Variants in AIM2 observed in about 807,000 individuals in gnomAD.
AIM2 encodes absent in melanoma 2.
A neutral mutation model predicts 27.7 loss-of-function variants in AIM2; 30 were observed. The ratio of observed to expected loss-of-function variants is 1.08; its 90% CI spans 0.81 to 1.47. The LOEUF (loss-of-function observed/expected upper bound fraction) is 1.47, where lower values mean the gene tolerates loss of function less well. Ranked by LOEUF, AIM2 falls within the 40% of genes most tolerant of loss-of-function variation. The pLI, the probability that AIM2 is intolerant of heterozygous loss-of-function variation, is 0.00. For missense variants in AIM2, 358 were observed against 411.3 expected (o/e 0.87, Z 1.12); for synonymous variants, 141 against 145.3 (o/e 0.97, Z 0.21).
chr1:159,087,878 C>CT (rs1197656028), intron 1 of AIM2, among the ~76,000 whole-genome samples: 2 of 152,186 alleles, frequency 1.3e-5, no homozygotes, highest in South Asian at 2.1e-4. Context: ...GCCAAGTCTA[C>CT]TTTTTTTAAA....
chr1:159,083,633 C>A (rs1237519121), intron 1 of AIM2, among the ~76,000 whole-genome samples: 1 of 152,156 alleles, frequency 6.6e-6, no homozygotes, highest in Non-Finnish European at 1.5e-5. Context: ...CTACTAAATA[C>A]TCACCCAAGT....
At chr1:159,067,100 A>G (rs1461158649) in intron 3 of AIM2, among the ~76,000 whole-genome samples, 1 of 152,230 alleles carries the variant, frequency 6.6e-6, no homozygotes. Context: ...AATGCTTTAG[A>G]GAAATATGAT....
intron 1 of AIM2, among the ~76,000 whole-genome samples, chr1:159,109,419 T>C (rs573129710): frequency 6.6e-6 from 1 of 152,250 alleles, no homozygotes; most frequent in East Asian, 1.9e-4. Context: ...CAAGATGGAT[T>C]AAGGACTGAA....
intron 1 of AIM2, among the ~76,000 whole-genome samples, chr1:159,082,903 G>A (rs934065894): frequency 2.6e-5 from 4 of 152,128 alleles, no homozygotes; most frequent in Non-Finnish European, 5.9e-5. Flanking sequence ...GGGACGGAAA[G>A]CTCAAAAAAG....
intron 1 of AIM2, among the ~76,000 whole-genome samples, chr1:159,101,327 C>T (rs1474008154): frequency 1.3e-5 from 2 of 152,162 alleles, no homozygotes; most frequent in Non-Finnish European, 2.9e-5. Flanking sequence ...GTGCCTTCTG[C>T]CTAGATTGTA....
chr1:159,103,440 G>A (rs1657358648), intron 1 of AIM2, among the ~76,000 whole-genome samples: 1 of 151,488 alleles, frequency 6.6e-6, no homozygotes, highest in African/African-American at 2.4e-5. Flanking sequence ...TCAGCTTAGT[G>A]TTCATCTCAG....
intron 1 of AIM2, among the ~76,000 whole-genome samples, chr1:159,096,436 G>A (rs1349670461): frequency 2.0e-5 from 3 of 152,012 alleles, no homozygotes; most frequent in African/African-American, 7.2e-5. Context: ...AATAAATGTT[G>A]GATGTGTCAT....
intron 1 of AIM2, among the ~76,000 whole-genome samples, chr1:159,105,360 C>T (rs1192252000): frequency 6.6e-6 from 1 of 152,222 alleles, no homozygotes; most frequent in East Asian, 1.9e-4. Context: ...CCGTGGACCC[C>T]CTTGGTCTGG....
rs1337639775 is a variant in AIM2, at chr1:159,107,331, T to TGTGTGTGTGC, written c.-16+33099_-16+33100insGCACACACAC. ...ATGTGTGTGTGTGTGTGTGTGTGTG[T>TGTGTGTGTGC]GCGCGCACTATAGCATGTTACTGAA... is the stretch of plus-strand genomic sequence containing the variant. On this transcript the variant is annotated intron_variant, in intron 1 of 2. Coordinates refer to the AIM2 transcript ENST00000368129. 2.4e-3 allele frequency among the ~76,000 whole-genome samples: 363 copies of TGTGTGTGTGC among 150,254 alleles called. 3 individuals are homozygous for TGTGTGTGTGC. The highest frequency in any genetic ancestry group is 8.6e-3 in the African/African-American group (354 of 40,976).
chr1:159,065,422 A>T (rs1030666245), intron 4 of AIM2, among the ~76,000 whole-genome samples: 12 of 150,566 alleles, frequency 8.0e-5, no homozygotes, highest in African/African-American at 2.5e-4. Context: ...CTTTTTAATT[A>T]AAAAAAAAGT....
chr1:159,076,238 A>G (rs1293017450), intron 1 of AIM2, among the ~76,000 whole-genome samples: 1 of 152,198 alleles, frequency 6.6e-6, no homozygotes, highest in African/African-American at 2.4e-5. Flanking sequence ...TATAATAACA[A>G]TCACATTTTA....
At chr1:159,056,492 A>G in the AIM2 span, among the ~76,000 whole-genome samples, 5 of 152,052 alleles carry the variant, frequency 3.3e-5, no homozygotes, top group Non-Finnish European at 7.4e-5. Flanking sequence ...TCGGCAAAAC[A>G]GCAGTCAAAG....
chr1:159,069,150 A>C (rs1447960145), intron 2 of AIM2, among the ~76,000 whole-genome samples: 1 of 151,990 alleles, frequency 6.6e-6, no homozygotes, highest in Non-Finnish European at 1.5e-5. Flanking sequence ...TCTCAAAAAA[A>C]AAAAAAAGAC....
chr1:159,071,829 CT>C (rs1363086404), intron 2 of AIM2, among the ~76,000 whole-genome samples: 6 of 152,106 alleles, frequency 3.9e-5, no homozygotes, highest in Non-Finnish European at 5.9e-5. Context: ...ACTTTGAATC[CT>C]ACAACTGTTA....
chr1:159,088,662 T>C (rs569841131), intron 1 of AIM2, among the ~76,000 whole-genome samples: 2 of 152,236 alleles, frequency 1.3e-5, no homozygotes, highest in East Asian at 3.9e-4. Flanking sequence ...GTCGTGAGGG[T>C]TCTGCTCTCA....
chr1:159,058,348 CAAAAA>C (rs34913942), downstream of AIM2, among the ~76,000 whole-genome samples: 5 of 117,850 alleles, frequency 4.2e-5, no homozygotes, highest in African/African-American at 9.5e-5. Flanking sequence ...GATTCTGTCT[CAAAAA>C]AAAAAAAAAA....
intron 1 of AIM2, among the ~76,000 whole-genome samples, chr1:159,094,513 A>G (rs1010601498): frequency 3.9e-5 from 6 of 152,180 alleles, no homozygotes; most frequent in African/African-American, 1.4e-4. Context: ...CCTGGCCAAC[A>G]TGGTGAAACT....
intron 1 of AIM2, among the ~76,000 whole-genome samples, chr1:159,088,776 C>T (rs1656980676): frequency 6.6e-6 from 1 of 152,150 alleles, no homozygotes; most frequent in South Asian, 2.1e-4. Flanking sequence ...TAAGCTGCCT[C>T]TCCATGTGAT....
chr1:159,057,476 G>A, the AIM2 span, among the ~76,000 whole-genome samples: 1 of 152,322 alleles, frequency 6.6e-6, no homozygotes, highest in Non-Finnish European at 1.5e-5. Flanking sequence ...CTCCCTTGGT[G>A]TTACTTTCCC....
Sources: allele counts gnomAD v4.1 joint callset (sites outside exome capture counted in the v4.1 genomes callset), GRCh38; gene constraint gnomAD v4.1.1; transcripts MANE v1.5; gene names NCBI Gene and HGNC (gene_info 2026-07-23, HGNC 2026-07-21).